KIAA1217: variants seen among roughly 807,000 people sequenced by gnomAD.
The protein encoded by KIAA1217 is sickle tail protein homolog.
KIAA1217 carries 88 observed loss-of-function variants against 163.9 expected under a neutral mutation model. The observed-to-expected ratio is 0.54, with a 90% CI of 0.45 to 0.64. The LOEUF (loss-of-function observed/expected upper bound fraction) is 0.64. KIAA1217 is among the 30% of genes least tolerant of loss of function. The pLI is 0.00. For synonymous variants in KIAA1217, 903 were observed against 923.1 expected (o/e 0.98, Z 0.39); for missense variants, 2,372 against 2,475.0 (o/e 0.96, Z 0.88).
chr10:24,027,340 G>C (rs971169734), intron 2 of KIAA1217, among the ~76,000 whole-genome samples: 2 of 152,042 alleles, frequency 1.3e-5, no homozygotes, highest in Non-Finnish European at 2.9e-5. Context: ...TCACTGTCCT[G>C]TGCTATATAT....
At chr10:24,438,706 G>A (rs2060255772) in intron 5 of KIAA1217, among the ~76,000 whole-genome samples, 1 of 152,164 alleles carries the variant, frequency 6.6e-6, no homozygotes, top group Non-Finnish European at 1.5e-5. Flanking sequence ...TTATCTTTAA[G>A]CAAGGAGTTA....
chr10:23,813,857 T>C (rs1018062656), intron 1 of KIAA1217, among the ~76,000 whole-genome samples: 1 of 152,212 alleles, frequency 6.6e-6, no homozygotes. Context: ...TGTTTCATTA[T>C]GTCCTTATCA....
intron 2 of KIAA1217, among the ~76,000 whole-genome samples, chr10:24,030,533 A>T (rs986628742): frequency 1.3e-5 from 2 of 152,084 alleles, no homozygotes; most frequent in Non-Finnish European, 2.9e-5. Context: ...TCCTTTATAA[A>T]TTACTCAGTT....
chr10:24,258,599 T>C (rs1203001610), intron 2 of KIAA1217, among the ~76,000 whole-genome samples: 1 of 151,404 alleles, frequency 6.6e-6, no homozygotes, highest in African/African-American at 2.4e-5. Flanking sequence ...TTTTTTTTTT[T>C]TTTCTTTTTT....
chr10:23,826,169 CAGTT>C (rs1208299365), intron 1 of KIAA1217, among the ~76,000 whole-genome samples: 5 of 151,050 alleles, frequency 3.3e-5, no homozygotes, highest in Non-Finnish European at 7.4e-5. Context: ...ATTTTTTTTT[CAGTT>C]ACACCCTCCA....
chr10:24,520,642 A>T (rs1592621955), intron 11 of KIAA1217, among the ~76,000 whole-genome samples: 1 of 91,480 alleles, frequency 1.1e-5, no homozygotes, highest in African/African-American at 5.3e-5. Context: ...AAAAAAAAAA[A>T]AAAAAAAAAA....
At chr10:23,963,012 ATCT>A (rs1844882641) in intron 1 of KIAA1217, among the ~76,000 whole-genome samples, 1 of 152,168 alleles carries the variant, frequency 6.6e-6, no homozygotes, top group Non-Finnish European at 1.5e-5. Flanking sequence ...CCAGGTTGTG[ATCT>A]TCTTAATTCA....
At chr10:23,953,223 T>C (rs1042139316) in intron 1 of KIAA1217, among the ~76,000 whole-genome samples, 1 of 152,346 alleles carries the variant, frequency 6.6e-6, no homozygotes, top group East Asian at 1.9e-4. Context: ...TGGGATTGTA[T>C]TAGCTTATGC....
At chr10:23,756,589 C>T (rs1438544652) in intron 1 of KIAA1217, among the ~76,000 whole-genome samples, 3 of 152,106 alleles carry the variant, frequency 2.0e-5, no homozygotes, top group African/African-American at 7.2e-5. Context: ...TGGCATGTTA[C>T]TAATGAATGT....
chr10:23,743,719 T>G (rs1225897432), intron 1 of KIAA1217, among the ~76,000 whole-genome samples: 1 of 152,238 alleles, frequency 6.6e-6, no homozygotes, highest in Non-Finnish European at 1.5e-5. Flanking sequence ...CCCAGTGTTA[T>G]AAACTTTTAT....
intron 1 of KIAA1217, among the ~76,000 whole-genome samples, chr10:23,947,630 T>C (rs1844117584): frequency 6.6e-6 from 1 of 152,216 alleles, no homozygotes; most frequent in Non-Finnish European, 1.5e-5. Flanking sequence ...TGCAGTAGTG[T>C]TAAAATTATA....
At position 23,802,474 on chromosome 10, in the gene KIAA1217, C is replaced by T. The variant is rs116280378; in HGVS notation, c.-321+107240C>T. Among the ~76,000 whole-genome samples, 1,048 of 152,322 alleles carry T rather than the reference C, an allele frequency of 6.9e-3. 7 individuals are homozygous for T. Among genetic ancestry groups the T allele is most frequent in the African/African-American group, 0.023 (969 of 41,562 alleles). ...GGTAATCTATCTAATCTATTGACCTCTCTGCAAATTGTACACCCAGGTGTC... is the reference window on the plus strand; with the variant it reads ...GGTAATCTATCTAATCTATTGACCTTTCTGCAAATTGTACACCCAGGTGTC... On this transcript the variant is annotated intron_variant, in intron 1 of 18. Transcript: ENST00000376462.
chr10:24,459,740 T>G (rs2062171295), intron 5 of KIAA1217, among the ~76,000 whole-genome samples: 1 of 152,098 alleles, frequency 6.6e-6, no homozygotes, highest in East Asian at 1.9e-4. Context: ...CTGGGCAATG[T>G]AGTGAGCTCT....
chr10:24,397,544 A>G (rs1301368025), intron 3 of KIAA1217, among the ~76,000 whole-genome samples: 3 of 152,184 alleles, frequency 2.0e-5, no homozygotes, highest in African/African-American at 4.8e-5. Context: ...CTACATACTT[A>G]ACCACTACAA....
At chr10:24,227,823 C>T (rs566610539) in intron 2 of KIAA1217, among the ~76,000 whole-genome samples, 42 of 152,262 alleles carry the variant, frequency 2.8e-4, no homozygotes, top group African/African-American at 8.9e-4. Flanking sequence ...TGAGCCACTG[C>T]GCCCGGCCAA....
chr10:24,189,626 A>G (rs1671134924), intron 2 of KIAA1217, among the ~76,000 whole-genome samples: 1 of 152,230 alleles, frequency 6.6e-6, no homozygotes, highest in South Asian at 2.1e-4. Context: ...TAAGTTTTAC[A>G]TGGCACAGGA....
chr10:23,761,216 C>A (rs761607555), intron 1 of KIAA1217, among the ~76,000 whole-genome samples: 1 of 152,130 alleles, frequency 6.6e-6, no homozygotes, highest in Non-Finnish European at 1.5e-5. Flanking sequence ...ACCTAGGCAA[C>A]CTAGTGTGGC....
Position 24,227,677 on chromosome 10 carries a change from C to G in KIAA1217, c.354+7768C>G, listed in dbSNP as rs540519760. Reference sequence around the variant, plus strand: ...CCTCCCAAGTAGCTGGGACTACAGGCGCCCGCCACCATGCCCGGCTAATTT... The same window carrying G: ...CCTCCCAAGTAGCTGGGACTACAGGGGCCCGCCACCATGCCCGGCTAATTT... On this transcript the variant is annotated intron_variant, in intron 2 of 20. Coordinates refer to ENST00000376454, the MANE Select transcript of KIAA1217 (RefSeq NM_019590.5). Among the ~76,000 whole-genome samples the G allele has an allele frequency of 5.5e-4, 84 of 152,058 alleles. 1 individual carries two copies. The highest frequency in any genetic ancestry group is 2.0e-3 in the African/African-American group (83 of 41,490).
At chr10:24,293,351 G>A (rs1200708012) in intron 2 of KIAA1217, among the ~76,000 whole-genome samples, 3 of 152,162 alleles carry the variant, frequency 2.0e-5, no homozygotes, top group South Asian at 2.1e-4. Flanking sequence ...GATTACAGGC[G>A]TGAGCCACCG....
Sources: gnomAD v4.1 joint callset for allele counts (sites outside exome capture counted in the v4.1 genomes callset) on GRCh38, gnomAD v4.1.1 for gene constraint, MANE v1.5 for transcripts, NCBI Gene and HGNC (gene_info 2026-07-23, HGNC 2026-07-21) for gene names.